The following POM121 variants were observed in gnomAD, a reference collection of about 807,000 sequenced individuals.
POM121 encodes the protein POM121 transmembrane nucleoporin.
In POM121, 32 loss-of-function variants were observed where a neutral mutation model predicts 81.3. The observed-to-expected ratio is 0.39, with a 90% CI of 0.30 to 0.53. POM121 has a LOEUF of 0.53. POM121 is among the 20% of genes least tolerant of loss of function. The pLI is 0.66. For synonymous variants in POM121, 514 were observed against 694.2 expected (o/e 0.74, Z 4.08); for missense variants, 1,138 against 1,614.6 (o/e 0.70, Z 5.06).
Position 72,926,880 on chromosome 7 carries a change from G to C in POM121, c.939G>C (p.Leu313=), listed in dbSNP as rs1554497629. Residue 313 remains leucine (L), a synonymous_variant, in exon 3 of 13, where the codon CTG becomes CTC. Coordinates refer to ENST00000434423, the MANE Select transcript of POM121 (RefSeq NM_001387691.1). Reference sequence around the variant, plus strand: ...ACCCATGTGCAAAGGAGACAGTACTGAGTGCCCTCAAAGAGAAGGAGAAGA... The same window carrying C: ...ACCCATGTGCAAAGGAGACAGTACTCAGTGCCCTCAAAGAGAAGGAGAAGA... The part of the protein sequence containing the change: ...APDPCAKETV[L]SALKEKEKKR... 6.2e-7 allele frequency: 1 copy of C among 1,613,988 alleles called. No homozygotes were observed. The highest frequency in any genetic ancestry group is 1.1e-5 in the South Asian group (1 of 91,074).
Position 72,942,723 on chromosome 7 carries a change from C to G in POM121, c.2730C>G (p.Ala910=). 1 of 1,432,916 alleles carries G rather than the reference C, an allele frequency of 7.0e-7. No individual in the cohort carries two copies. Among genetic ancestry groups the G allele is most frequent in the Non-Finnish European group, 9.4e-7 (1 of 1,068,346 alleles). The allele number at this position is 1,432,916 out of a possible 1,614,324, so 88.8% of individuals were successfully genotyped here. ...SQSLHTAVPT[A]TSSSAADFSG... is the part of the protein sequence containing the mutation. ...CCCTGCACACTGCCGTGCCAACGGC[C>G]ACCAGCAGCAGCGCTGCCGACTTTA... The change falls in exon 11 of 13, where the codon GCC becomes GCG. Residue 910 remains alanine, a synonymous_variant. Transcript: ENST00000434423.
chr7:72,942,765 C>T lies in POM121; in HGVS notation c.2772C>T (p.Thr924=), dbSNP rs1554501787. ...SAADFSGFGS[T]LATSAPATSS... ...CCGACTTTAGTGGTTTTGGCAGCAC[C>T]CTCGCCACCTCCGCCCCGGCCACCA... The change falls in exon 11 of 13, where the codon ACC becomes ACT. Residue 924 remains threonine (T), a synonymous_variant. Transcript: ENST00000434423. 2.9e-6 allele frequency: 4 copies of T among 1,367,226 alleles called. No homozygotes were observed. In the Admixed American group the frequency reaches 8.1e-5, roughly 28 times the overall value. The allele number at this position is 1,367,226 out of a possible 1,614,324, so 84.7% of individuals were successfully genotyped here. A position where few individuals can be genotyped will look rare whatever the true frequency, so the allele number is the denominator to read the frequency against.
chr7:72,882,217 C>T (rs1306293883), intron 1 of POM121, among the ~76,000 whole-genome samples: 1 of 152,124 alleles, frequency 6.6e-6, no homozygotes, highest in East Asian at 1.9e-4. Context: ...CAGGCTCTAT[C>T]ATAGGAAGCA....
At chr7:72,898,598 C>T (rs1298743182) in intron 3 of POM121, among the ~76,000 whole-genome samples, 1 of 151,894 alleles carries the variant, frequency 6.6e-6, no homozygotes, top group Non-Finnish European at 1.5e-5. Flanking sequence ...GGAGTGTGAG[C>T]CCAGCCTGGC....
Position 72,946,286 on chromosome 7 carries a change from G to A in POM121, c.*52G>A. On this transcript the variant is annotated 3_prime_UTR_variant, in exon 13 of 13. Transcript: ENST00000434423. ...CACCCCTTCCCTAAATCTGGACCTTGGCACCTGCTAGGAAGAGCCTTGGAC... is the reference window on the plus strand; with the variant it reads ...CACCCCTTCCCTAAATCTGGACCTTAGCACCTGCTAGGAAGAGCCTTGGAC... 6.2e-7 allele frequency: 1 copy of A among 1,602,158 alleles called. No homozygotes were observed. Among genetic ancestry groups the A allele is most frequent in the Non-Finnish European group, 8.5e-7 (1 of 1,175,058 alleles).
Position 72,925,185 on chromosome 7 carries a change from G to T in POM121, c.64G>T (p.Asp22Tyr). 2.0e-6 allele frequency: 3 copies of T among 1,516,688 alleles called. No individual in the cohort carries two copies. Among genetic ancestry groups the T allele is most frequent in the Non-Finnish European group, 2.6e-6 (3 of 1,139,438 alleles). 94.0% of individuals were successfully genotyped at this position (1,516,688 alleles called of 1,614,324 possible). The change falls in exon 1 of 13, where the codon GAC becomes TAC. Residue 22 changes from aspartate to tyrosine, a missense_variant. Transcript: ENST00000434423. Reference sequence around the variant, plus strand: ...GCGGCGGCCCATAGCGAGTGTCAGGGACGGCCGGGGCCGGGGCTGCGGCGG... The same window carrying T: ...GCGGCGGCCCATAGCGAGTGTCAGGTACGGCCGGGGCCGGGGCTGCGGCGG... The part of the protein sequence containing the change: ...ERRRPIASVR[D>Y]GRGRGCGGPA...
intron 3 of POM121, among the ~76,000 whole-genome samples, chr7:72,906,635 A>T (rs1793264039): frequency 6.6e-6 from 1 of 152,006 alleles, no homozygotes; most frequent in Non-Finnish European, 1.5e-5. Context: ...ATATTTATTT[A>T]TTTATTTATT....
chr7:72,894,868 C>T (rs1306241106), intron 3 of POM121, among the ~76,000 whole-genome samples: 2 of 152,156 alleles, frequency 1.3e-5, no homozygotes, highest in African/African-American at 4.8e-5. Flanking sequence ...CCCTATGTTG[C>T]CCAGGCTGGA....
chr7:72,889,307 A>G (rs1791066473), intron 1 of POM121, among the ~76,000 whole-genome samples: 1 of 152,230 alleles, frequency 6.6e-6, no homozygotes, highest in Non-Finnish European at 1.5e-5. Flanking sequence ...CTTGGGATCT[A>G]CATGGTCCTA....
chr7:72,910,883 C>A (rs1793737612), intron 3 of POM121, among the ~76,000 whole-genome samples: 1 of 152,110 alleles, frequency 6.6e-6, no homozygotes, highest in Admixed American at 6.6e-5. Context: ...GGCCAAAGAA[C>A]AAACCATCAA....
At chr7:72,944,528 AAAGT>A (rs1554502719) in intron 11 of POM121, among the ~76,000 whole-genome samples, 1 of 152,148 alleles carries the variant, frequency 6.6e-6, no homozygotes. Context: ...TTGTGAAGTT[AAAGT>A]GAGGCCAGTT....
At chr7:72,898,979 C>CTTTTTTTTTTTTTTT (rs1176371162) in intron 3 of POM121, among the ~76,000 whole-genome samples, 6 of 34,104 alleles carry the variant, frequency 1.8e-4, no homozygotes, top group East Asian at 9.0e-4. Flanking sequence ...CTTTTCTTTT[C>CTTTTTTTTTTTTTTT]TTTTTTTTTT....
downstream of POM121, chr7:72,949,148 A>G (rs1554504214): frequency 2.2e-6 from 3 of 1,344,514 alleles, no homozygotes; most frequent in South Asian, 2.4e-5. Context: ...AGGCTGCCTC[A>G]GTCCTGAAAT....
rs1554496920 is a variant in POM121, at chr7:72,925,266, G to A, written c.145G>A (p.Val49Met). ...GCTGGTTGGCCTCTTACTGTACCTC[G>A]TGCCGGCTGCGGCTGCACTGGCCTG... ...LSLVGLLLYL[V>M]PAAAALAWLT... The change falls in exon 1 of 13, where the codon GTG (valine) becomes ATG (methionine). Residue 49 changes from valine (V) to methionine (M), a missense_variant. Val to Met is a conservative substitution (Grantham distance 21, BLOSUM62 1). Around this residue, in one of 7 missense-constraint regions of POM121, gnomAD observed 646 missense variants for 633.5 expected, o/e 1.02. Transcript: ENST00000434423. The A allele has an allele frequency of 2.6e-6, 4 of 1,534,524 alleles. No homozygotes were observed. The Admixed American group carries it at 5.9e-5, about 23-fold the overall frequency.
At chr7:72,949,175 C>G (rs1797914856), downstream of POM121, 3 of 1,286,374 alleles carry the variant, frequency 2.3e-6, no homozygotes, top group Admixed American at 1.7e-5. Context: ...TCCTGAAATC[C>G]TCGCTTCACA....
intron 3 of POM121, among the ~76,000 whole-genome samples, chr7:72,902,113 AAAAAAAC>A (rs782223449): frequency 1.2e-4 from 19 of 152,064 alleles, no homozygotes; most frequent in East Asian, 3.9e-4. Flanking sequence ...ACTCATGAAA[AAAAAAAC>A]AAAAAACAAA....
chr7:72,898,230 T>C (rs1407426689), intron 3 of POM121, among the ~76,000 whole-genome samples: 3 of 152,176 alleles, frequency 2.0e-5, no homozygotes, highest in Non-Finnish European at 4.4e-5. Flanking sequence ...CGTGTCAGGT[T>C]TATTTTTTTC....
chr7:72,941,582 A>G (rs1272000774), intron 10 of POM121, among the ~76,000 whole-genome samples: 4 of 150,438 alleles, frequency 2.7e-5, no homozygotes, highest in African/African-American at 9.9e-5. Context: ...AGTTCAGACA[A>G]TTGGACTGTC....
In POM121 at chr7:72,946,068, G is replaced by A. The variant is rs1412666590; in HGVS notation, c.3653-69G>A. The A allele has an allele frequency of 2.5e-5, 39 of 1,580,778 alleles. 1 individual carries two copies. In the East Asian group the frequency reaches 7.9e-4, roughly 32 times the overall value. ...TTTATTACTGGCCTGGCCTTCCAGA[G>A]ATTTGGGCACCCAGAGTCAGAGTCT... On this transcript the variant is annotated intron_variant, in intron 12 of 12. Coordinates refer to ENST00000434423, the MANE Select transcript of POM121 (RefSeq NM_001387691.1).
Sources: allele counts gnomAD v4.1 joint callset (sites outside exome capture counted in the v4.1 genomes callset), GRCh38; gene constraint gnomAD v4.1.1; regional missense constraint gnomAD v4.1.1; transcripts MANE v1.5; gene names NCBI Gene and HGNC (gene_info 2026-07-23, HGNC 2026-07-21).